The following CPEB1 variants were observed in gnomAD, a reference collection of about 807,000 sequenced individuals.
The protein encoded by CPEB1 is cytoplasmic polyadenylation element-binding protein 1.
CPEB1 carries 7 observed loss-of-function variants against 65.8 expected under a neutral mutation model. The ratio of observed to expected loss-of-function variants is 0.11; its 90% CI spans 0.06 to 0.20. The LOEUF (loss-of-function observed/expected upper bound fraction) is 0.20. Among genes scored for constraint, CPEB1 ranks in the 10% least tolerant of loss-of-function variants. CPEB1 has a pLI of 1.00. For synonymous variants in CPEB1, 262 were observed against 260.0 expected (o/e 1.01, Z -0.08); for missense variants, 551 against 712.2 (o/e 0.77, Z 2.58).
chr15:82,648,013 C>A, upstream of CPEB1: 1 of 594,938 alleles, frequency 1.7e-6, no homozygotes, highest in South Asian at 8.6e-5. Flanking sequence ...ACGAGCCGCT[C>A]CTCGGAGCCG....
intron 3 of CPEB1, among the ~76,000 whole-genome samples, chr15:82,608,569 T>C (rs2043844151): frequency 6.6e-6 from 1 of 152,232 alleles, no homozygotes; most frequent in Admixed American, 6.5e-5. Context: ...ATGTTGTTCT[T>C]ACCAAGATTC....
Position 82,545,899 on chromosome 15 carries a change from A to G in CPEB1, c.1656+542T>C, listed in dbSNP as rs577870497. On this transcript the variant is annotated intron_variant, in intron 12 of 12. Transcript: ENST00000684509. ...TCATCTACAAAACCACCTCTCAGCA[A>G]TAGTGGCATACTGCATAGCAATATC... 2.0e-5 allele frequency among the ~76,000 whole-genome samples: 3 copies of G among 152,288 alleles called. No homozygotes were observed. The South Asian group carries it at 6.2e-4, about 32-fold the overall frequency.
rs1170410270 is a variant in CPEB1, at chr15:82,606,731, T to A, written c.271+20462A>T. Among the ~76,000 whole-genome samples, 4 of 72,558 alleles carry A rather than the reference T, an allele frequency of 5.5e-5. 1 individual carries two copies. Among genetic ancestry groups the A allele is most frequent in the Admixed American group, 2.9e-4 (2 of 6,950 alleles). 47.6% of individuals were successfully genotyped at this position (72,558 alleles called of 152,430 possible). On this transcript the variant is annotated intron_variant, in intron 3 of 12. Transcript: ENST00000684509. ...TACTTGGGAGGCTGAGGCAGGAGAATGGCGTGAACCCGGGAGGCGGAGCTT... is the reference window on the plus strand; with the variant it reads ...TACTTGGGAGGCTGAGGCAGGAGAAAGGCGTGAACCCGGGAGGCGGAGCTT...
intron 3 of CPEB1, among the ~76,000 whole-genome samples, chr15:82,613,618 C>T (rs572106451): frequency 7.8e-4 from 119 of 152,248 alleles, no homozygotes; most frequent in Admixed American, 2.6e-3. Context: ...CCTCAACCTC[C>T]CCAAGTGCTG....
At chr15:82,632,489 CAT>C (rs966502975) in intron 1 of CPEB1, among the ~76,000 whole-genome samples, 67 of 152,042 alleles carry the variant, frequency 4.4e-4, no homozygotes, top group African/African-American at 1.5e-3. Flanking sequence ...GGCTGCTCGA[CAT>C]GTGTACTGTG....
chr15:82,602,353 C>G (rs571246960), intron 3 of CPEB1, among the ~76,000 whole-genome samples: 3 of 151,974 alleles, frequency 2.0e-5, no homozygotes, highest in African/African-American at 7.2e-5. Flanking sequence ...CCATGCTGAG[C>G]GGGAAATTTA....
intron 3 of CPEB1, among the ~76,000 whole-genome samples, chr15:82,606,817 CAAA>C (rs56078202): frequency 2.4e-5 from 2 of 82,938 alleles, no homozygotes; most frequent in Admixed American, 1.3e-4. Flanking sequence ...GACTCCGTCT[CAAA>C]AAAAAAAAAA....
intron 5 of CPEB1, among the ~76,000 whole-genome samples, chr15:82,557,307 A>G (rs1567175551): frequency 6.6e-6 from 1 of 152,236 alleles, no homozygotes; most frequent in Non-Finnish European, 1.5e-5. Context: ...CTACAGTCAG[A>G]TCTGGATTAA....
chr15:82,584,406 G>A (rs553045130), intron 3 of CPEB1, among the ~76,000 whole-genome samples: 40 of 151,870 alleles, frequency 2.6e-4, no homozygotes, highest in African/African-American at 8.7e-4. Context: ...GGCTGGGTGC[G>A]GTGGCTCACA....
chr15:82,583,344 C>T (rs1198259123), intron 3 of CPEB1: 1 of 152,060 alleles, frequency 6.6e-6, no homozygotes, highest in Admixed American at 6.6e-5. Context: ...ACTAGTATAA[C>T]CAAAACACAA....
At chr15:82,609,013 C>A (rs1292119133) in intron 3 of CPEB1, among the ~76,000 whole-genome samples, 3 of 152,028 alleles carry the variant, frequency 2.0e-5, no homozygotes, top group African/African-American at 7.3e-5. Flanking sequence ...CACAAAAGAA[C>A]AGAATTAGAA....
chr15:82,647,702 CA>C (rs1475115460), upstream of CPEB1: 2 of 559,760 alleles, frequency 3.6e-6, no homozygotes, highest in African/African-American at 4.0e-5. Flanking sequence ...CACGAGGCCC[CA>C]CGCCCGCGGG....
At chr15:82,574,464 TC>T (rs1437686450) in intron 3 of CPEB1, among the ~76,000 whole-genome samples, 1 of 152,128 alleles carries the variant, frequency 6.6e-6, no homozygotes, top group Non-Finnish European at 1.5e-5. Flanking sequence ...AAGTCTGTAA[TC>T]CCAGCACTTT....
chr15:82,544,285 T>G lies in CPEB1; in HGVS notation c.*307A>C. The G allele has an allele frequency of 4.4e-6, 1 of 226,954 alleles. No individual in the cohort carries two copies. Among genetic ancestry groups the G allele is most frequent in the Non-Finnish European group, 8.6e-6 (1 of 116,566 alleles). 14.1% of individuals were successfully genotyped at this position (226,954 alleles called of 1,614,324 possible). A position where few individuals can be genotyped will look rare whatever the true frequency, so the allele number is the denominator to read the frequency against. On this transcript the variant is annotated 3_prime_UTR_variant, in exon 13 of 13. Transcript: ENST00000684509. The stretch of plus-strand genomic sequence containing the variant: ...TCTGGACACGTAGTTTTTTTTTTTT[T>G]TTTTTTTTTCCCCGCTTTTCATCTG...
chr15:82,607,412 A>C (rs1013710922), intron 3 of CPEB1, among the ~76,000 whole-genome samples: 4 of 152,040 alleles, frequency 2.6e-5, no homozygotes, highest in Admixed American at 2.6e-4. Context: ...ACATGGTGAA[A>C]CCCCGTCTCT....
At chr15:82,561,008 G>A (rs991424826) in intron 4 of CPEB1, among the ~76,000 whole-genome samples, 1 of 152,236 alleles carries the variant, frequency 6.6e-6, no homozygotes, top group African/African-American at 2.4e-5. Context: ...GCTAAAGACA[G>A]AACAAAGTCA....
intron 4 of CPEB1, among the ~76,000 whole-genome samples, chr15:82,570,548 T>A (rs188854273): frequency 2.0e-5 from 3 of 152,256 alleles, no homozygotes; most frequent in Non-Finnish European, 1.5e-5. Flanking sequence ...GCAACCCTCC[T>A]CCTTGTACCA....
At chr15:82,634,902 G>C (rs578065816) in intron 1 of CPEB1, among the ~76,000 whole-genome samples, 94 of 152,234 alleles carry the variant, frequency 6.2e-4, no homozygotes, top group African/African-American at 2.2e-3. Flanking sequence ...CTGTCGCCCA[G>C]GAGTGCAGTG....
In CPEB1 at chr15:82,571,441, G is replaced by A; in HGVS notation, c.363C>T (p.Asp121=). Residue 121 remains aspartate, a synonymous_variant, in exon 4 of 13, where the codon GAC becomes GAT. Coordinates refer to ENST00000684509, the MANE Select transcript of CPEB1 (RefSeq NM_001365242.1). Reference sequence around the variant, plus strand: ...TGAGGGACTGCAGGCCAAGGCACAAGTCATTTGCATCTGGGAGGCCACGGG... The same window carrying A: ...TGAGGGACTGCAGGCCAAGGCACAAATCATTTGCATCTGGGAGGCCACGGG... ...ESSRGLPDAN[D]LCLGLQSLSL... 1.2e-6 allele frequency: 2 copies of A among 1,614,166 alleles called. No homozygotes were observed. The highest frequency in any genetic ancestry group is 1.7e-6 in the Non-Finnish European group (2 of 1,180,016).
Sources: allele counts gnomAD v4.1 joint callset (sites outside exome capture counted in the v4.1 genomes callset), GRCh38; gene constraint gnomAD v4.1.1; transcripts MANE v1.5; gene names NCBI Gene and HGNC (gene_info 2026-07-23, HGNC 2026-07-21).